The following IKZF2 variants were observed in gnomAD, a reference collection of about 807,000 sequenced individuals.
IKZF2 encodes zinc finger protein Helios.
A neutral mutation model predicts 49.2 loss-of-function variants in IKZF2; 15 were observed. The observed-to-expected ratio is 0.30, with a 90% CI of 0.20 to 0.47. The LOEUF is 0.47. IKZF2 is among the 20% of genes least tolerant of loss of function. The pLI is 1.00. For missense variants in IKZF2, 567 were observed against 664.6 expected (o/e 0.85, Z 1.61); for synonymous variants, 227 against 221.4 (o/e 1.03, Z -0.23).
At chr2:213,041,592 G>A (rs563832250) in intron 6 of IKZF2, among the ~76,000 whole-genome samples, 4 of 152,190 alleles carry the variant, frequency 2.6e-5, no homozygotes, top group East Asian at 1.9e-4. Flanking sequence ...GTGAGCCACC[G>A]TGCCCGGCCA....
At position 213,148,576 on chromosome 2, in the gene IKZF2, C is replaced by A; in HGVS notation, c.34+20G>T. The A allele has an allele frequency of 6.3e-7, 1 of 1,582,610 alleles. No homozygotes were observed. Among genetic ancestry groups the A allele is most frequent in the South Asian group, 1.1e-5 (1 of 88,988 alleles). Reference sequence around the variant, plus strand: ...GGCAACTTTATTACCAATAACAAATCAATGAAAACTAATACTTACACGTTA... The same window carrying A: ...GGCAACTTTATTACCAATAACAAATAAATGAAAACTAATACTTACACGTTA... On this transcript the variant is annotated intron_variant, in intron 3 of 8. Coordinates refer to ENST00000434687, the MANE Select transcript of IKZF2 (RefSeq NM_001387220.1).
chr2:213,069,070 C>T (rs950665267), intron 4 of IKZF2, among the ~76,000 whole-genome samples: 2 of 152,206 alleles, frequency 1.3e-5, no homozygotes, highest in East Asian at 1.9e-4. Context: ...ACTTTGTCCC[C>T]GTCAGGATGT....
At chr2:213,010,931 G>A (rs981269534) in intron 8 of IKZF2, among the ~76,000 whole-genome samples, 5 of 152,080 alleles carry the variant, frequency 3.3e-5, no homozygotes, top group Non-Finnish European at 5.9e-5. Flanking sequence ...AACTTGCATA[G>A]CTGTTAAGGA....
chr2:213,006,542 C>A lies in IKZF2; in HGVS notation c.*818G>T, dbSNP rs1479087809. On this transcript the variant is annotated 3_prime_UTR_variant, in exon 9 of 9. Transcript: ENST00000434687. Reference sequence around the variant, plus strand: ...AGTCCCTCCCAGAAATTATTGACTGCCTTTTATCCACTCTTAGACCATATG... The same window carrying A: ...AGTCCCTCCCAGAAATTATTGACTGACTTTTATCCACTCTTAGACCATATG... 6.6e-6 allele frequency: 1 copy of A among 152,394 alleles called. No individual in the cohort carries two copies. The highest frequency in any genetic ancestry group is 2.4e-5 in the African/African-American group (1 of 41,408). The allele number at this position is 152,394 out of a possible 1,614,324, so 9.4% of individuals were successfully genotyped here.
chr2:213,094,514 C>A (rs958358837), intron 4 of IKZF2, among the ~76,000 whole-genome samples: 78 of 151,948 alleles, frequency 5.1e-4, no homozygotes, highest in African/African-American at 1.8e-3. Flanking sequence ...GAATCTGAGA[C>A]CCCCCTAGCC....
intron 4 of IKZF2, among the ~76,000 whole-genome samples, chr2:213,097,064 T>C (rs1706090570): frequency 6.6e-6 from 1 of 151,950 alleles, no homozygotes; most frequent in Non-Finnish European, 1.5e-5. Context: ...ACTAAACTAT[T>C]ATTTTCTATA....
intron 4 of IKZF2, among the ~76,000 whole-genome samples, chr2:213,143,825 A>G (rs1252649501): frequency 6.6e-6 from 1 of 151,952 alleles, no homozygotes; most frequent in Non-Finnish European, 1.5e-5. Flanking sequence ...CTCCACCCTC[A>G]TAATAACTCT....
Position 213,004,677 on chromosome 2 carries a change from T to C in IKZF2, c.*2683A>G, listed in dbSNP as rs1695177071. On this transcript the variant is annotated 3_prime_UTR_variant, in exon 9 of 9. Transcript: ENST00000434687. ...AAGAAAAGGCATGCACATATAACCA[T>C]CCAGAGTTTCTCCAAAAACACTACG... 1 of 151,944 alleles carries C rather than the reference T, an allele frequency of 6.6e-6. No individual in the cohort carries two copies. Among genetic ancestry groups the C allele is most frequent in the Non-Finnish European group, 1.5e-5 (1 of 67,930 alleles). 9.4% of individuals were successfully genotyped at this position (151,944 alleles called of 1,614,324 possible). A position where few individuals can be genotyped will look rare whatever the true frequency, so the allele number is the denominator to read the frequency against.
intron 4 of IKZF2, among the ~76,000 whole-genome samples, chr2:213,146,962 T>C (rs1364422405): frequency 6.6e-6 from 1 of 152,084 alleles, no homozygotes; most frequent in Non-Finnish European, 1.5e-5. Flanking sequence ...ATAACTAAAC[T>C]GATAAAATAT....
chr2:213,048,281 C>G (rs1700359938), intron 6 of IKZF2, among the ~76,000 whole-genome samples: 1 of 151,952 alleles, frequency 6.6e-6, no homozygotes, highest in African/African-American at 2.4e-5. Context: ...TTTATGAAGA[C>G]AGATAACATA....
At chr2:213,012,005 G>A (rs573363632) in intron 8 of IKZF2, among the ~76,000 whole-genome samples, 1 of 152,164 alleles carries the variant, frequency 6.6e-6, no homozygotes, top group African/African-American at 2.4e-5. Flanking sequence ...GAGACAAGTA[G>A]ATATGCAGGA....
At chr2:213,034,868 G>A (rs988421055) in intron 6 of IKZF2, among the ~76,000 whole-genome samples, 5 of 152,162 alleles carry the variant, frequency 3.3e-5, no homozygotes, top group African/African-American at 7.2e-5. Context: ...TATCTGTGAA[G>A]TGCAATAAAG....
intron 7 of IKZF2, among the ~76,000 whole-genome samples, chr2:213,017,464 A>G (rs978730623): frequency 7.9e-5 from 12 of 152,138 alleles, no homozygotes; most frequent in African/African-American, 2.9e-4. Context: ...ACTGAATGAC[A>G]CTACTAATTA....
chr2:213,045,415 T>A (rs929756562), intron 6 of IKZF2, among the ~76,000 whole-genome samples: 6 of 152,186 alleles, frequency 3.9e-5, no homozygotes, highest in African/African-American at 9.7e-5. Flanking sequence ...AGAAGCAGTT[T>A]TTTCCCTTCA....
intron 4 of IKZF2, among the ~76,000 whole-genome samples, chr2:213,061,905 T>C (rs1245693213): frequency 1.3e-5 from 2 of 151,616 alleles, no homozygotes; most frequent in Non-Finnish European, 3.0e-5. Context: ...TATATAAATG[T>C]AAAAAGGCAC....
At chr2:213,145,790 G>A (rs951893457) in intron 4 of IKZF2, among the ~76,000 whole-genome samples, 2 of 152,062 alleles carry the variant, frequency 1.3e-5, no homozygotes, top group African/African-American at 4.8e-5. Context: ...CTGAAAACAC[G>A]TGCATCTTAG....
chr2:213,066,858 C>A (rs1272701990), intron 4 of IKZF2, among the ~76,000 whole-genome samples: 2 of 152,030 alleles, frequency 1.3e-5, no homozygotes, highest in East Asian at 3.9e-4. Context: ...ATGGAAATAC[C>A]AGATTATAAC....
intron 1 of IKZF2, among the ~76,000 whole-genome samples, chr2:213,151,097 G>A (rs1409399711): frequency 2.6e-5 from 4 of 151,974 alleles, no homozygotes; most frequent in Non-Finnish European, 5.9e-5. Context: ...ATTACAAGGA[G>A]GGGACGATAA....
rs1553604930 is a variant in IKZF2 at position 213,146,759 on chromosome 2, C to CAGGG, written c.139+948_139+949insCCCT. ...TCACTTTTCTTAGTTATTAAATCTTCGGGGGGGGGGAAGGAAAGAGAATGC... is the reference window on the plus strand; with the variant it reads ...TCACTTTTCTTAGTTATTAAATCTTCAGGGGGGGGGGGGGAAGGAAAGAGAATGC... On this transcript the variant is annotated intron_variant, in intron 4 of 8. Coordinates refer to ENST00000434687, the MANE Select transcript of IKZF2 (RefSeq NM_001387220.1). 2.2e-4 allele frequency among the ~76,000 whole-genome samples: 19 copies of CAGGG among 87,196 alleles called. 1 individual carries two copies. The South Asian group carries it at 2.5e-3, about 12-fold the overall frequency. The allele number at this position is 87,196 out of a possible 152,430, so 57.2% of individuals were successfully genotyped here. A position where few individuals can be genotyped will look rare whatever the true frequency, so the allele number is the denominator to read the frequency against.
Sources: gnomAD v4.1 joint callset for allele counts (sites outside exome capture counted in the v4.1 genomes callset) on GRCh38, gnomAD v4.1.1 for gene constraint, MANE v1.5 for transcripts, NCBI Gene and HGNC (gene_info 2026-07-23, HGNC 2026-07-21) for gene names.